Variants in POMT2 observed in about 807,000 individuals in gnomAD.
The protein encoded by POMT2 is protein O-mannosyltransferase 2.
Under a neutral mutation model 100.0 loss-of-function variants are expected in POMT2, and 75 were observed. The ratio of observed to expected loss-of-function variants is 0.75; its 90% confidence interval spans 0.62 to 0.91. The LOEUF is 0.91. Among genes scored for constraint, POMT2 ranks in the 40% least tolerant of loss-of-function variants. The pLI, the probability that POMT2 is intolerant of heterozygous loss-of-function variation, is 0.00. For missense variants in POMT2, 940 were observed against 955.1 expected, an observed-to-expected ratio of 0.98 and a Z score of 0.21; for synonymous variants, 378 against 374.1, an observed-to-expected ratio of 1.01 and a Z score of -0.12.
Position 77,312,024 on chromosome 14 carries a change from C to T in POMT2, c.258G>A (p.Glu86=), listed in dbSNP as rs956763108. ...AACTTCCCATTTTTCCAAAGTGAGT[C>T]TCATCCCAACTAAAGGAAACACAGA... ...LDEPPHICWD[E]THFGKMGSYY... The change falls in exon 2 of 21, where the codon GAG becomes GAA. Residue 86 remains glutamate (E), a synonymous_variant. Coordinates refer to ENST00000261534, the MANE Select transcript of POMT2 (RefSeq NM_013382.7). 2.5e-6 allele frequency: 4 copies of T among 1,613,830 alleles called. No individual in the cohort carries two copies. The highest frequency in any genetic ancestry group is 2.7e-5 in the African/African-American group (2 of 74,882).
At chr14:77,307,509 T>A (rs1220613551) in intron 2 of POMT2, among the ~76,000 whole-genome samples, 1 of 152,210 alleles carries the variant, frequency 6.6e-6, no homozygotes, top group Non-Finnish European at 1.5e-5. Context: ...AATAGCTAGA[T>A]GAACTAAAGC....
At chr14:77,315,844 T>G (rs1419904141) in intron 1 of POMT2, among the ~76,000 whole-genome samples, 2 of 152,120 alleles carry the variant, frequency 1.3e-5, no homozygotes, top group Admixed American at 1.3e-4. Flanking sequence ...AAACCCTGTC[T>G]CTACTAAAAA....
At chr14:77,306,467 G>A in intron 2 of POMT2, 26 bp from the exon 3 acceptor site, 1 of 1,609,552 alleles carries the variant, frequency 6.2e-7, no homozygotes, top group Non-Finnish European at 8.5e-7. Context: ...CAAACAAAAA[G>A]ATGAGAAGCC....
At chr14:77,299,328 G>A (rs2139472889) in intron 7 of POMT2, 127 bp downstream of exon 7, 1 of 834,436 alleles carries the variant, frequency 1.2e-6, no homozygotes, top group Non-Finnish European at 2.0e-6. Context: ...GAAAGAAACA[G>A]GAAAAAGCCC....
intron 10 of POMT2, 93 bp from the exon 11 acceptor site, chr14:77,288,924 G>C: frequency 9.3e-7 from 1 of 1,072,060 alleles, no homozygotes; most frequent in Non-Finnish European, 1.4e-6. Flanking sequence ...GTACCATGTG[G>C]TATCTGCTAG....
At chr14:77,290,963 G>C (rs181416276) in intron 10 of POMT2, among the ~76,000 whole-genome samples, 1 of 152,174 alleles carries the variant, frequency 6.6e-6, no homozygotes, top group Admixed American at 6.5e-5. Flanking sequence ...TAAGAAATGA[G>C]AGCAGCAGCC....
At chr14:77,308,846 A>G in intron 2 of POMT2, 1 of 432,006 alleles carries the variant, frequency 2.3e-6, no homozygotes. Flanking sequence ...TTTCATATAT[A>G]CCTGCGCAAC....
chr14:77,280,410 G>C lies in POMT2; in HGVS notation c.1707C>G (p.His569Gln), dbSNP rs777451121. The change falls in exon 16 of 21, where the codon CAC (histidine) becomes CAG (glutamine). Residue 569 changes from histidine (H) to glutamine (Q), a missense_variant. His to Gln is a conservative substitution (Grantham distance 24, BLOSUM62 0). Transcript: ENST00000261534. ...KDNEFTSKPWHWPINYQGLRF... is the reference protein window; with the variant it reads ...KDNEFTSKPWQWPINYQGLRF... ...ATCCTACCTGATAGTTGATAGGCCA[G>C]TGCCAGGGTTTGGACGTGAACTCAT... The C allele has an allele frequency of 6.2e-7, 1 of 1,614,154 alleles. No homozygotes were observed. Among genetic ancestry groups the C allele is most frequent in the Non-Finnish European group, 8.5e-7 (1 of 1,180,028 alleles).
intron 9 of POMT2, among the ~76,000 whole-genome samples, chr14:77,293,020 G>C (rs1282578232): frequency 6.6e-6 from 1 of 152,148 alleles, no homozygotes; most frequent in Non-Finnish European, 1.5e-5. Flanking sequence ...GCATTTAGGG[G>C]AAAAATTATT....
intron 15 of POMT2, 65 bp from the exon 16 acceptor site, chr14:77,280,528 G>A: frequency 1.9e-6 from 3 of 1,611,404 alleles, no homozygotes; most frequent in South Asian, 1.1e-5. Flanking sequence ...GAAATGTGGG[G>A]CCCAGGTTTT....
chr14:77,284,482 G>A (rs372486766), intron 14 of POMT2: 14 of 210,146 alleles, frequency 6.7e-5, no homozygotes, highest in African/African-American at 2.8e-4. Context: ...TTGAGTTGAA[G>A]CTGACAACGC....
intron 15 of POMT2, 47 bp from the exon 16 acceptor site, chr14:77,280,510 G>C (rs1890181418): frequency 1.9e-6 from 3 of 1,613,614 alleles, no homozygotes; most frequent in Non-Finnish European, 2.5e-6. Flanking sequence ...AGATCTAGAG[G>C]GCTGACAGAA....
rs543553654 is a variant in POMT2 at position 77,320,416 on chromosome 14, G to T, written c.248+18C>A. The T allele has an allele frequency of 5.2e-6, 8 of 1,545,988 alleles. No homozygotes were observed. The South Asian group carries it at 8.3e-5, about 16-fold the overall frequency. ...TCGCGGTTGCCATGGTGCCCGCCGA[G>T]TCCCTCCCATCACTCACCAGATGTG... is the stretch of plus-strand genomic sequence containing the variant. On this transcript the variant is annotated intron_variant, in intron 1 of 20. Coordinates refer to ENST00000261534, the MANE Select transcript of POMT2 (RefSeq NM_013382.7).
At position 77,285,484 on chromosome 14, in the gene POMT2, T is replaced by C; in HGVS notation, c.1481A>G (p.Lys494Arg). ...CAGCAAAACCCTAGAGACTTACCAC[T>C]TGGGCAGAACCTTTCCCGAGGAGCC... ...VLGSSGKVLP[K>R]WGWEQLEVTC... Residue 494 changes from lysine (K) to arginine (R), a missense_variant, in exon 13 of 21, where the codon AAG (lysine) becomes AGG (arginine). Transcript: ENST00000261534. 6.2e-7 allele frequency: 1 copy of C among 1,614,040 alleles called. No individual in the cohort carries two copies. The highest frequency in any genetic ancestry group is 1.1e-5 in the South Asian group (1 of 91,072).
intron 10 of POMT2, among the ~76,000 whole-genome samples, chr14:77,290,428 T>G (rs976501056): frequency 6.6e-6 from 1 of 152,254 alleles, no homozygotes; most frequent in Non-Finnish European, 1.5e-5. Flanking sequence ...GCCACGTTTC[T>G]AGCCTACACA....
At chr14:77,311,785 C>T (rs889211116) in intron 2 of POMT2, among the ~76,000 whole-genome samples, 164 bp downstream of exon 2, 1 of 152,168 alleles carries the variant, frequency 6.6e-6, no homozygotes, top group Non-Finnish European at 1.5e-5. Flanking sequence ...CCTTAAAAAA[C>T]ACCAGAGATT....
rs1312138776 is a variant in POMT2 at position 77,299,504 on chromosome 14, C to G, written c.874G>C (p.Ala292Pro). 1.2e-6 allele frequency: 2 copies of G among 1,614,086 alleles called. No homozygotes were observed. The highest frequency in any genetic ancestry group is 3.3e-5 in the Admixed American group (2 of 60,010). The change falls in exon 7 of 21, where the codon GCT becomes CCT. Residue 292 changes from alanine (A) to proline (P), a missense_variant. By Grantham distance (27) the Ala-to-Pro change is conservative (BLOSUM62 -1). Transcript: ENST00000261534. ...ACAGCAAAGGTGGCTGTATAGAGAG[C>G]CAGGGGCAGCACTATGAGGCACAGG... ...RVLCLIVLPL[A>P]LYTATFAVHF...
chr14:77,300,013 G>A (rs1890963756), intron 6 of POMT2: 2 of 255,558 alleles, frequency 7.8e-6, no homozygotes, highest in African/African-American at 2.2e-5. Flanking sequence ...CTGGCCGAGT[G>A]CCCTTTTCTG....
chr14:77,289,636 C>G (rs1006146184), intron 10 of POMT2, among the ~76,000 whole-genome samples: 1 of 152,158 alleles, frequency 6.6e-6, no homozygotes, highest in Non-Finnish European at 1.5e-5. Context: ...TAATTCCATA[C>G]AAATGACCAC....
Sources: allele counts gnomAD v4.1 joint callset (sites outside exome capture counted in the v4.1 genomes callset), GRCh38; gene constraint gnomAD v4.1.1; transcripts MANE v1.5; gene names NCBI Gene and HGNC (gene_info 2026-07-23, HGNC 2026-07-21).